The following SCARA3 variants were observed in gnomAD, a reference collection of about 807,000 sequenced individuals.
SCARA3 encodes scavenger receptor class A member 3.
Under a neutral mutation model 47.0 loss-of-function variants are expected in SCARA3, and 39 were observed. The observed-to-expected ratio is 0.83, with a 90% CI of 0.64 to 1.08. The LOEUF (loss-of-function observed/expected upper bound fraction) is 1.08, where lower values mean the gene tolerates loss of function less well. SCARA3 is among the 50% of genes least tolerant of loss of function. SCARA3 has a pLI of 0.00. For synonymous variants in SCARA3, 356 were observed against 334.1 expected, an observed-to-expected ratio of 1.07 and a Z score of -0.71; for missense variants, 724 against 792.3, an observed-to-expected ratio of 0.91 and a Z score of 1.04.
At chr8:27,686,680 T>C in the SCARA3 span, among the ~76,000 whole-genome samples, 2 of 152,172 alleles carry the variant, frequency 1.3e-5, no homozygotes, top group South Asian at 2.1e-4. Flanking sequence ...TTAAATCCTG[T>C]CCATCCTGCA....
At chr8:27,661,885 T>C (rs1233233081) in intron 5 of SCARA3, among the ~76,000 whole-genome samples, 1 of 152,180 alleles carries the variant, frequency 6.6e-6, no homozygotes, top group East Asian at 1.9e-4. Flanking sequence ...CCCTGTGGGA[T>C]CTCCTATATT....
chr8:27,724,117 G>A, the SCARA3 span, among the ~76,000 whole-genome samples: 2 of 152,138 alleles, frequency 1.3e-5, no homozygotes, highest in Non-Finnish European at 2.9e-5. Flanking sequence ...TCAATCACAG[G>A]CAAAATTATA....
At chr8:27,686,458 A>G in the SCARA3 span, among the ~76,000 whole-genome samples, 1 of 151,706 alleles carries the variant, frequency 6.6e-6, no homozygotes, top group Non-Finnish European at 1.5e-5. Flanking sequence ...AAAAAAAAAT[A>G]CATACATACA....
the SCARA3 span, among the ~76,000 whole-genome samples, chr8:27,731,054 T>C: frequency 6.7e-6 from 1 of 149,816 alleles, no homozygotes; most frequent in Non-Finnish European, 1.5e-5. Flanking sequence ...GCAGCTAAAA[T>C]GAGGGGAGAT....
the SCARA3 span, among the ~76,000 whole-genome samples, chr8:27,718,163 G>T: frequency 4.1e-4 from 62 of 152,300 alleles, no homozygotes; most frequent in East Asian, 0.012. Context: ...TTCAAATCCA[G>T]ATCAAAAGCT....
rs73560294 is a variant in SCARA3 at position 27,672,228 on chromosome 8, C to T, written c.*877C>T. The T allele has an allele frequency of 2.8e-4, 279 of 985,488 alleles. No homozygotes were observed. The African/African-American group carries it at 4.4e-3, about 16-fold the overall frequency. 61.0% of individuals were successfully genotyped at this position (985,488 alleles called of 1,614,324 possible). On this transcript the variant is annotated 3_prime_UTR_variant, in exon 6 of 6. Coordinates refer to ENST00000301904, the MANE Select transcript of SCARA3 (RefSeq NM_016240.3). ...GAGAAGTTCAACATTTATTTCTTCA[C>T]GTGTCCAGAAAATTCCTCAATTCAT...
chr8:27,659,665 C>T (rs1432316227), intron 5 of SCARA3, 126 bp downstream of exon 5: 3 of 758,032 alleles, frequency 4.0e-6, no homozygotes, highest in Non-Finnish European at 6.2e-6. Context: ...TAGCAAATGC[C>T]TACAGCAGTC....
chr8:27,661,888 C>A (rs1331450618), intron 5 of SCARA3, among the ~76,000 whole-genome samples: 1 of 152,332 alleles, frequency 6.6e-6, no homozygotes, highest in East Asian at 1.9e-4. Context: ...TGTGGGATCT[C>A]CTATATTCCA....
At chr8:27,645,836 C>T (rs1442524598) in intron 1 of SCARA3, among the ~76,000 whole-genome samples, 1 of 152,234 alleles carries the variant, frequency 6.6e-6, no homozygotes, top group Non-Finnish European at 1.5e-5. Context: ...CCTAATCAGT[C>T]ATCCTCTGAT....
upstream of SCARA3, among the ~76,000 whole-genome samples, chr8:27,633,633 G>C (rs745615973): frequency 6.6e-6 from 1 of 152,174 alleles, no homozygotes; most frequent in African/African-American, 2.4e-5. Flanking sequence ...CGCGGGCAGG[G>C]AGGACGCCGC....
At chr8:27,636,087 C>T (rs906408065) in intron 1 of SCARA3, among the ~76,000 whole-genome samples, 1 of 152,224 alleles carries the variant, frequency 6.6e-6, no homozygotes, top group African/African-American at 2.4e-5. Context: ...AGGGGAGCCT[C>T]GCCCCAAGTC....
chr8:27,683,591 C>T, the SCARA3 span, among the ~76,000 whole-genome samples: 1 of 152,090 alleles, frequency 6.6e-6, no homozygotes, highest in Non-Finnish European at 1.5e-5. Context: ...AACTGTTTGG[C>T]TTCTTATGAA....
At chr8:27,694,094 T>A in the SCARA3 span, among the ~76,000 whole-genome samples, 1 of 152,154 alleles carries the variant, frequency 6.6e-6, no homozygotes, top group Admixed American at 6.5e-5. Context: ...GTCTCAGATA[T>A]TTTGGGTTCA....
At chr8:27,731,127 G>A in the SCARA3 span, among the ~76,000 whole-genome samples, 1 of 149,124 alleles carries the variant, frequency 6.7e-6, no homozygotes, top group African/African-American at 2.5e-5. Flanking sequence ...ATAGAGACAG[G>A]GTCTCCCTGT....
Position 27,658,960 on chromosome 8 carries a change from G to A in SCARA3, c.790G>A (p.Gly264Ser), listed in dbSNP as rs757420816. Residue 264 changes from glycine (G) to serine (S), a missense_variant, in exon 5 of 6, where the codon GGC becomes AGC. Transcript: ENST00000301904. ...DWQNYTRLFSGLRTTSTKTGE... is the reference protein window; with the variant it reads ...DWQNYTRLFSSLRTTSTKTGE... ...GCAGAACTACACACGGCTCTTCAGCGGCCTGCGCACCACCTCCACCAAGAC... is the reference window on the plus strand; with the variant it reads ...GCAGAACTACACACGGCTCTTCAGCAGCCTGCGCACCACCTCCACCAAGAC... 35 of 1,613,968 alleles carry A rather than the reference G, an allele frequency of 2.2e-5. No homozygotes were observed. The Admixed American group carries it at 2.8e-4, about 13-fold the overall frequency.
At chr8:27,674,226 C>T (rs1802226414), downstream of SCARA3, among the ~76,000 whole-genome samples, 1 of 152,206 alleles carries the variant, frequency 6.6e-6, no homozygotes, top group Non-Finnish European at 1.5e-5. Context: ...ACAGTTAGAA[C>T]TGCAAAGCTT....
intron 4 of SCARA3, among the ~76,000 whole-genome samples, 166 bp from the exon 5 acceptor site, chr8:27,658,330 A>G (rs1801786863): frequency 6.6e-6 from 1 of 152,224 alleles, no homozygotes; most frequent in African/African-American, 2.4e-5. Context: ...GATTCCATAG[A>G]GGTGGCAAGG....
the SCARA3 span, among the ~76,000 whole-genome samples, chr8:27,727,548 T>C: frequency 6.6e-6 from 1 of 152,256 alleles, no homozygotes; most frequent in Non-Finnish European, 1.5e-5. Context: ...AAATCAGAAA[T>C]TCACAGATGA....
the SCARA3 span, among the ~76,000 whole-genome samples, chr8:27,692,196 G>A: frequency 6.6e-5 from 10 of 152,128 alleles, no homozygotes; most frequent in Admixed American, 6.5e-4. Flanking sequence ...ACTTTGGGTG[G>A]ATCACCTGAG....
Sources: gnomAD v4.1 joint callset for allele counts (sites outside exome capture counted in the v4.1 genomes callset) on GRCh38, gnomAD v4.1.1 for gene constraint, MANE v1.5 for transcripts, NCBI Gene and HGNC (gene_info 2026-07-23, HGNC 2026-07-21) for gene names.